Variants in ZDHHC17 observed in about 807,000 individuals in gnomAD.
ZDHHC17 encodes zDHHC palmitoyltransferase 17.
Under a neutral mutation model 90.3 loss-of-function variants are expected in ZDHHC17, and 40 were observed. That is an observed-to-expected ratio of 0.44 (90% CI 0.34 to 0.58). The LOEUF is 0.58. Ranked by LOEUF, ZDHHC17 falls within the 20% of genes least tolerant of loss-of-function variation. The pLI is 0.01. For missense variants in ZDHHC17, 614 were observed against 780.8 expected, an observed-to-expected ratio of 0.79 and a Z score of 2.55; for synonymous variants, 235 against 252.4, an observed-to-expected ratio of 0.93 and a Z score of 0.65.
intron 1 of ZDHHC17, among the ~76,000 whole-genome samples, chr12:76,770,159 T>C (rs1952476629): frequency 6.6e-6 from 1 of 152,192 alleles, no homozygotes; most frequent in East Asian, 1.9e-4. Flanking sequence ...ATAATACATG[T>C]GAAGTTCTGT....
intron 10 of ZDHHC17, among the ~76,000 whole-genome samples, chr12:76,839,430 A>G (rs1953406092): frequency 6.6e-6 from 1 of 152,146 alleles, no homozygotes; most frequent in Non-Finnish European, 1.5e-5. Context: ...GTATTTTGAG[A>G]GGCACTTGGT....
chr12:76,845,814 TA>T lies in ZDHHC17; in HGVS notation c.1423+13del. The stretch of plus-strand genomic sequence containing the variant: ...GGGTAACTGTGTAGGTAAGTTGTAT[TA>T]GTAATTTCTTCTGTATCATTCATTT... On this transcript the variant is annotated intron_variant, in intron 13 of 16. Coordinates refer to ENST00000426126, the MANE Select transcript of ZDHHC17 (RefSeq NM_015336.4). The T allele has an allele frequency of 7.0e-7, 1 of 1,437,898 alleles. No individual in the cohort carries two copies. The highest frequency in any genetic ancestry group is 9.8e-7 in the Non-Finnish European group (1 of 1,022,834). The allele number at this position is 1,437,898 out of a possible 1,614,324, so 89.1% of individuals were successfully genotyped here.
At chr12:76,828,916 A>G (rs929143505) in intron 10 of ZDHHC17, among the ~76,000 whole-genome samples, 1 of 152,174 alleles carries the variant, frequency 6.6e-6, no homozygotes, top group Admixed American at 6.5e-5. Flanking sequence ...TGGGTAAAGG[A>G]CACAGACACA....
Position 76,797,451 on chromosome 12 carries a change from C to T in ZDHHC17, c.111C>T (p.Ser37=). 6.2e-7 allele frequency: 1 copy of T among 1,604,878 alleles called. No homozygotes were observed. Among genetic ancestry groups the T allele is most frequent in the Non-Finnish European group, 8.5e-7 (1 of 1,175,682 alleles). ...LLHPEEIKPQ[S]HYNHGYGEPL... is the part of the protein sequence containing the mutation. ...TTTAACAGGAAATCAAACCCCAAAGCCATTATAACCATGGATATGGTGAAC... is the reference window on the plus strand; with the variant it reads ...TTTAACAGGAAATCAAACCCCAAAGTCATTATAACCATGGATATGGTGAAC... Residue 37 remains serine, a synonymous_variant, in exon 2 of 17, where the codon AGC becomes AGT. Transcript: ENST00000426126.
intron 3 of ZDHHC17, 35 bp downstream of exon 3, chr12:76,805,474 TGA>T (rs1952944789): frequency 1.3e-5 from 7 of 554,102 alleles, no homozygotes; most frequent in African/African-American, 2.6e-5. Context: ...TATTAGAACT[TGA>T]CTTTTTATGG....
At chr12:76,849,541 C>T in intron 16 of ZDHHC17, 71 bp downstream of exon 16, 1 of 898,760 alleles carries the variant, frequency 1.1e-6, no homozygotes, top group Non-Finnish European at 1.7e-6. Context: ...GACTCTTTTA[C>T]TTAGTGATAT....
chr12:76,797,654 GT>G, intron 2 of ZDHHC17, 117 bp downstream of exon 2: 2 of 749,296 alleles, frequency 2.7e-6, no homozygotes, highest in Non-Finnish European at 3.9e-6. Flanking sequence ...TAAAAAATTA[GT>G]TTATGGGCCG....
chr12:76,801,189 A>C (rs1952883718), intron 2 of ZDHHC17, among the ~76,000 whole-genome samples: 1 of 149,094 alleles, frequency 6.7e-6, no homozygotes, highest in Admixed American at 6.7e-5. Context: ...CCTGGCCAGC[A>C]TTTGTTTTCT....
chr12:76,834,672 G>A (rs1953343186), intron 10 of ZDHHC17, among the ~76,000 whole-genome samples: 2 of 152,026 alleles, frequency 1.3e-5, no homozygotes, highest in South Asian at 4.1e-4. Context: ...GTTTCTCTGA[G>A]GTTATTAAAG....
intron 5 of ZDHHC17, among the ~76,000 whole-genome samples, chr12:76,810,642 A>G (rs1295024430): frequency 4.6e-5 from 7 of 152,106 alleles, no homozygotes; most frequent in Admixed American, 3.3e-4. Flanking sequence ...AAGCAGTGGC[A>G]GTTGTGTTGT....
chr12:76,805,149 A>G (rs1952940519), intron 2 of ZDHHC17, among the ~76,000 whole-genome samples, 168 bp from the exon 3 acceptor site: 1 of 152,178 alleles, frequency 6.6e-6, no homozygotes, highest in Non-Finnish European at 1.5e-5. Context: ...AAAATGGATT[A>G]GTAAAAGTTT....
rs1246057728 is a variant in ZDHHC17 at position 76,828,398 on chromosome 12, T to A, written c.1049T>A (p.Phe350Tyr). ...ATVQFLSKSF[F>Y]DHSMHSALPL... is the part of the protein sequence containing the mutation. Reference sequence around the variant, plus strand: ...AAACTTGTGTTTTACAGATCCTTTTTCGATCATTCAATGCATAGTGCATTG... The same window carrying A: ...AAACTTGTGTTTTACAGATCCTTTTACGATCATTCAATGCATAGTGCATTG... The change falls in exon 10 of 17, where the codon TTC becomes TAC. Residue 350 changes from phenylalanine to tyrosine, a missense_variant. Coordinates refer to ENST00000426126, the MANE Select transcript of ZDHHC17 (RefSeq NM_015336.4). 1.9e-6 allele frequency: 3 copies of A among 1,597,864 alleles called. No homozygotes were observed. Among genetic ancestry groups the A allele is most frequent in the Non-Finnish European group, 2.6e-6 (3 of 1,174,502 alleles).
In ZDHHC17 at chr12:76,774,808, A is replaced by G. The variant is rs12319082; in HGVS notation, c.93+10479A>G. ...GTAGATTTTAACCTGTATGTATTTT[A>G]ATATCTCTGAAATTGGGATTTGTGA... is the stretch of plus-strand genomic sequence containing the variant. On this transcript the variant is annotated intron_variant, in intron 1 of 16. Coordinates refer to ENST00000426126, the MANE Select transcript of ZDHHC17 (RefSeq NM_015336.4). Among the ~76,000 whole-genome samples, 1,251 of 152,286 alleles carry G rather than the reference A, an allele frequency of 8.2e-3. 14 individuals carry two copies. The highest frequency in any genetic ancestry group is 0.028 in the African/African-American group (1,175 of 41,546).
chr12:76,803,041 C>A (rs551691655), intron 2 of ZDHHC17, among the ~76,000 whole-genome samples: 3 of 152,080 alleles, frequency 2.0e-5, no homozygotes, highest in Non-Finnish European at 4.4e-5. Context: ...CGCTTGAGCC[C>A]AGGAGTTCAA....
intron 2 of ZDHHC17, among the ~76,000 whole-genome samples, chr12:76,800,930 TAGGCTGG>T (rs1952880335): frequency 7.1e-6 from 1 of 140,184 alleles, no homozygotes; most frequent in African/African-American, 2.6e-5. Flanking sequence ...CTCTATCGCC[TAGGCTGG>T]AGTGCCATGG....
intron 1 of ZDHHC17, among the ~76,000 whole-genome samples, chr12:76,790,167 A>G (rs11115424): frequency 2.0e-5 from 3 of 152,044 alleles, no homozygotes; most frequent in African/African-American, 7.2e-5. Context: ...TTTTAAAGAG[A>G]TAGGAAGAGG....
chr12:76,783,185 G>A (rs1197822900), intron 1 of ZDHHC17, among the ~76,000 whole-genome samples: 2 of 152,146 alleles, frequency 1.3e-5, no homozygotes, highest in South Asian at 2.1e-4. Flanking sequence ...ATGATTGAGG[G>A]TATTTGATAG....
intron 5 of ZDHHC17, among the ~76,000 whole-genome samples, chr12:76,814,174 C>T (rs560108961): frequency 1.3e-5 from 2 of 151,820 alleles, no homozygotes; most frequent in Non-Finnish European, 2.9e-5. Context: ...GATAAGAGTC[C>T]CTGATACATC....
chr12:76,842,895 A>G, intron 11 of ZDHHC17, 24 bp from the exon 12 acceptor site: 4 of 1,573,344 alleles, frequency 2.5e-6, no homozygotes, highest in Non-Finnish European at 3.5e-6. Context: ...GTTTTGAATT[A>G]AATATTATTT....
Sources: allele counts gnomAD v4.1 joint callset (sites outside exome capture counted in the v4.1 genomes callset), GRCh38; gene constraint gnomAD v4.1.1; transcripts MANE v1.5; gene names NCBI Gene and HGNC (gene_info 2026-07-23, HGNC 2026-07-21).